The following SPSB4 variants were observed in gnomAD, a reference collection of about 807,000 sequenced individuals.
The protein encoded by SPSB4 is SPRY domain-containing SOCS box protein 4.
In SPSB4, 21 loss-of-function variants were observed where a neutral mutation model predicts 20.9. That is an observed-to-expected ratio of 1.01 (90% CI 0.71 to 1.45). The LOEUF is 1.45. SPSB4 is among the 40% of genes most tolerant of loss of function. The pLI, the probability that SPSB4 is intolerant of heterozygous loss-of-function variation, is 0.00. For missense variants in SPSB4, 399 were observed against 399.2 expected, an observed-to-expected ratio of 1.00 and a Z score of 0.00; for synonymous variants, 207 against 183.8, an observed-to-expected ratio of 1.13 and a Z score of -1.02.
intron 2 of SPSB4, among the ~76,000 whole-genome samples, chr3:141,133,998 T>TATATTCCTA (rs1939179866): frequency 6.6e-6 from 1 of 151,184 alleles, no homozygotes; most frequent in South Asian, 2.1e-4. Context: ...CTTCATTAGG[T>TATATTCCTA]ATATTCCTAA....
chr3:141,141,459 G>A (rs1197079846), intron 2 of SPSB4, among the ~76,000 whole-genome samples: 11 of 152,012 alleles, frequency 7.2e-5, no homozygotes, highest in African/African-American at 2.2e-4. Context: ...GTTCCTATTC[G>A]GCCATCTTGG....
intron 2 of SPSB4, among the ~76,000 whole-genome samples, chr3:141,097,763 AG>A (rs1938566862): frequency 1.3e-5 from 2 of 152,086 alleles, no homozygotes; most frequent in Non-Finnish European, 2.9e-5. Context: ...ACAGAGCAAA[AG>A]GTCAGTGAGC....
At position 141,057,245 on chromosome 3, in the gene SPSB4, A is replaced by G. The variant is rs148000120; in HGVS notation, c.-154+5253A>G. ...ACCTTGGGGGTTCTTTAGTTCATTC[A>G]TTGTTGGTGGGTTCATTCTGAATGA... On this transcript the variant is annotated intron_variant, in intron 1 of 2. Transcript: ENST00000310546. Among the ~76,000 whole-genome samples the G allele has an allele frequency of 1.0e-3, 156 of 152,316 alleles. 3 individuals are homozygous for G. Among genetic ancestry groups the G allele is most frequent in the African/African-American group, 3.6e-3 (148 of 41,580 alleles).
chr3:141,099,684 G>A (rs527343175), intron 2 of SPSB4, among the ~76,000 whole-genome samples: 1 of 152,324 alleles, frequency 6.6e-6, no homozygotes, highest in Admixed American at 6.5e-5. Context: ...AGGATAGTGA[G>A]GGGATTTCCT....
intron 1 of SPSB4, among the ~76,000 whole-genome samples, chr3:141,054,523 A>G (rs1260569580): frequency 6.6e-6 from 1 of 152,230 alleles, no homozygotes; most frequent in Non-Finnish European, 1.5e-5. Context: ...GGCTATAGGA[A>G]AAACAGTTGT....
chr3:141,081,316 G>A (rs376730438), intron 2 of SPSB4, among the ~76,000 whole-genome samples: 16 of 152,316 alleles, frequency 1.1e-4, no homozygotes, highest in East Asian at 3.9e-4. Flanking sequence ...TTCCGACCGC[G>A]GCTCAAAGTT....
chr3:141,102,996 G>A (rs982352594), intron 2 of SPSB4, among the ~76,000 whole-genome samples: 2 of 152,186 alleles, frequency 1.3e-5, no homozygotes, highest in African/African-American at 4.8e-5. Context: ...GCCCAAACCA[G>A]ATACGGTCAC....
At chr3:141,123,852 C>G (rs1249345892) in intron 2 of SPSB4, among the ~76,000 whole-genome samples, 2 of 152,204 alleles carry the variant, frequency 1.3e-5, no homozygotes, top group Non-Finnish European at 2.9e-5. Context: ...CAAGGGCTGT[C>G]CCATCCAAGG....
intron 1 of SPSB4, among the ~76,000 whole-genome samples, chr3:141,060,956 A>C (rs193112520): frequency 1.4e-3 from 210 of 152,250 alleles, no homozygotes; most frequent in Non-Finnish European, 2.3e-3. Context: ...CATTTGTAGG[A>C]GTTTGACATA....
intron 2 of SPSB4, among the ~76,000 whole-genome samples, chr3:141,110,644 A>G (rs1938781715): frequency 6.6e-6 from 1 of 152,226 alleles, no homozygotes; most frequent in Non-Finnish European, 1.5e-5. Context: ...CTTTGGGTCC[A>G]GGGCAGAAGG....
chr3:141,114,026 T>C (rs1241973467), intron 2 of SPSB4, among the ~76,000 whole-genome samples: 1 of 152,188 alleles, frequency 6.6e-6, no homozygotes, highest in Non-Finnish European at 1.5e-5. Flanking sequence ...AATTTGAGGT[T>C]ACAGTGAGTT....
chr3:141,114,447 G>A (rs779240235), intron 2 of SPSB4, among the ~76,000 whole-genome samples: 2 of 152,198 alleles, frequency 1.3e-5, no homozygotes, highest in Non-Finnish European at 2.9e-5. Context: ...TCTACTCACC[G>A]GCTCTGCAAT....
chr3:141,079,525 C>T (rs1205184349), intron 2 of SPSB4, among the ~76,000 whole-genome samples: 1 of 152,224 alleles, frequency 6.6e-6, no homozygotes, highest in Admixed American at 6.5e-5. Context: ...CCTGCTAGGT[C>T]AATCGGCCAA....
chr3:141,088,230 C>A (rs1938387703), intron 2 of SPSB4, among the ~76,000 whole-genome samples: 1 of 152,190 alleles, frequency 6.6e-6, no homozygotes. Flanking sequence ...GCCAGCGGTA[C>A]ACAGGGACAC....
rs7627034 is a variant in SPSB4 at position 141,148,409 on chromosome 3, G to A, written c.*1140G>A. 8,814 of 153,230 alleles carry A rather than the reference G, an allele frequency of 0.058. 833 individuals carry two copies. The highest frequency in any genetic ancestry group is 0.2 in the African/African-American group (8,281 of 41,434). 9.5% of individuals were successfully genotyped at this position (153,230 alleles called of 1,614,324 possible). A position where few individuals can be genotyped will look rare whatever the true frequency, so the allele number is the denominator to read the frequency against. The stretch of plus-strand genomic sequence containing the variant: ...TCGCAGGAATGCTGCTGCTGCCTCC[G>A]CCGCCACTGCTGCTGCCACCTCTTA... On this transcript the variant is annotated 3_prime_UTR_variant, in exon 3 of 3. Coordinates refer to ENST00000310546, the MANE Select transcript of SPSB4 (RefSeq NM_080862.3). This position sits in a 1 kb window ranked among gnomAD's most constrained non-coding sequence, Gnocchi z 4.5.
chr3:141,146,395 TA>T (rs569968622), intron 2 of SPSB4, among the ~76,000 whole-genome samples: 3 of 152,178 alleles, frequency 2.0e-5, no homozygotes, highest in African/African-American at 4.8e-5. Context: ...AACCTGTTTG[TA>T]GAGGAAACCC....
At chr3:141,119,818 T>C (rs974873260) in intron 2 of SPSB4, among the ~76,000 whole-genome samples, 5 of 152,072 alleles carry the variant, frequency 3.3e-5, no homozygotes, top group African/African-American at 9.7e-5. Context: ...CTTTATTAGT[T>C]TTGCTAGCAG....
chr3:141,072,270 A>G (rs756183365), intron 2 of SPSB4, among the ~76,000 whole-genome samples: 2 of 152,240 alleles, frequency 1.3e-5, no homozygotes, highest in Non-Finnish European at 2.9e-5. Context: ...ATGGAAACCC[A>G]GGAGGTATGC....
chr3:141,129,378 C>T (rs1939099777), intron 2 of SPSB4, among the ~76,000 whole-genome samples: 1 of 152,192 alleles, frequency 6.6e-6, no homozygotes, highest in Non-Finnish European at 1.5e-5. Context: ...TTAAGGATTA[C>T]CCTATGTTTG....
Sources: allele counts gnomAD v4.1 joint callset (sites outside exome capture counted in the v4.1 genomes callset), GRCh38; gene constraint gnomAD v4.1.1; non-coding constraint Gnocchi (gnomAD v3.1); transcripts MANE v1.5; gene names NCBI Gene and HGNC (gene_info 2026-07-23, HGNC 2026-07-21).